The following TAFA5 variants were observed in gnomAD, a reference collection of about 807,000 sequenced individuals.
TAFA5 encodes TAFA chemokine like family member 5, also known as chemokine-like protein TAFA-5.
A neutral mutation model predicts 15.3 loss-of-function variants in TAFA5; 6 were observed. The observed-to-expected ratio is 0.39, with a 90% confidence interval of 0.21 to 0.77. TAFA5 has a LOEUF of 0.77. Ranked by LOEUF, TAFA5 falls within the 30% of genes least tolerant of loss-of-function variation. The pLI, the probability that TAFA5 is intolerant of heterozygous loss-of-function variation, is 0.41. For missense variants in TAFA5, 161 were observed against 193.1 expected (o/e 0.83, Z 0.98); for synonymous variants, 103 against 80.7 (o/e 1.28, Z -1.48).
At chr22:48,592,286 C>G (rs1297380177) in intron 1 of TAFA5, among the ~76,000 whole-genome samples, 1 of 152,212 alleles carries the variant, frequency 6.6e-6, no homozygotes, top group Non-Finnish European at 1.5e-5. Context: ...CTGGCAGAGC[C>G]TGCAGCCCCC....
At chr22:48,551,760 G>A (rs1922864190) in intron 1 of TAFA5, among the ~76,000 whole-genome samples, 1 of 152,122 alleles carries the variant, frequency 6.6e-6, no homozygotes, top group South Asian at 2.1e-4. Flanking sequence ...GACAAGTGCT[G>A]CCTTCTCTCG....
chr22:48,597,119 A>C (rs1355903164), intron 1 of TAFA5, among the ~76,000 whole-genome samples: 2 of 152,202 alleles, frequency 1.3e-5, no homozygotes, highest in African/African-American at 4.8e-5. Flanking sequence ...TTTTTTAAAG[A>C]ACACCAAAAA....
chr22:48,602,560 T>C (rs1255337211), intron 1 of TAFA5, among the ~76,000 whole-genome samples: 4 of 152,174 alleles, frequency 2.6e-5, no homozygotes, highest in Non-Finnish European at 5.9e-5. Context: ...TTGCAGAGAA[T>C]GTTTGTGTCC....
At chr22:48,653,714 G>C (rs1379513758) in intron 2 of TAFA5, among the ~76,000 whole-genome samples, 1 of 152,186 alleles carries the variant, frequency 6.6e-6, no homozygotes, top group Non-Finnish European at 1.5e-5. Context: ...TCTGTAGAGA[G>C]ATGAGACGGT....
At chr22:48,705,639 A>G (rs1929054622) in intron 2 of TAFA5, among the ~76,000 whole-genome samples, 1 of 152,244 alleles carries the variant, frequency 6.6e-6, no homozygotes, top group Non-Finnish European at 1.5e-5. Flanking sequence ...GCCCTTGTTA[A>G]AAATTATTCA....
At chr22:48,630,714 G>A (rs1290542504) in intron 1 of TAFA5, among the ~76,000 whole-genome samples, 3 of 152,214 alleles carry the variant, frequency 2.0e-5, no homozygotes, top group African/African-American at 7.2e-5. Flanking sequence ...CACACAGGCT[G>A]CAGGGCTGGC....
At chr22:48,664,668 GT>G (rs917446455) in intron 2 of TAFA5, among the ~76,000 whole-genome samples, 1 of 152,128 alleles carries the variant, frequency 6.6e-6, no homozygotes, top group African/African-American at 2.4e-5. Flanking sequence ...AGGTTTGCCT[GT>G]TTCAGAACCT....
chr22:48,657,038 T>C (rs1927276691), intron 2 of TAFA5, among the ~76,000 whole-genome samples: 1 of 152,158 alleles, frequency 6.6e-6, no homozygotes, highest in Non-Finnish European at 1.5e-5. Context: ...CCCAAAGTTC[T>C]GGGATTACAG....
intron 1 of TAFA5, among the ~76,000 whole-genome samples, chr22:48,607,664 G>C (rs114821383): frequency 0.033 from 4,101 of 124,610 alleles, 6 homozygotes; most frequent in African/African-American, 0.043. Context: ...GTCTGTCCCA[G>C]GTTCTGATTA....
At chr22:48,682,190 C>G (rs920977634) in intron 2 of TAFA5, among the ~76,000 whole-genome samples, 2 of 152,180 alleles carry the variant, frequency 1.3e-5, no homozygotes, top group African/African-American at 4.8e-5. Flanking sequence ...GCTCCCTAGA[C>G]CAGCAGCTGG....
At chr22:48,551,645 A>T (rs1245376044) in intron 1 of TAFA5, among the ~76,000 whole-genome samples, 2 of 152,086 alleles carry the variant, frequency 1.3e-5, no homozygotes, top group African/African-American at 4.8e-5. Flanking sequence ...GACGATGTGC[A>T]TGGGGTCCTA....
intron 1 of TAFA5, among the ~76,000 whole-genome samples, chr22:48,608,073 A>AGCCAGCCCCTCCCACGGCCCCAGGCT (rs1425493124): frequency 2.1e-5 from 3 of 144,644 alleles, no homozygotes; most frequent in Non-Finnish European, 4.6e-5. Flanking sequence ...TGAGGCAGTG[A>AGCCAGCCCCTCCCACGGCCCCAGGCT]GCCAGCCCCT....
chr22:48,709,647 AT>A (rs1929190905), intron 3 of TAFA5, among the ~76,000 whole-genome samples: 1 of 152,028 alleles, frequency 6.6e-6, no homozygotes, highest in Non-Finnish European at 1.5e-5. Flanking sequence ...CCTCCTCGTG[AT>A]TTGAGGCCCA....
chr22:48,534,536 C>T (rs988396210), intron 1 of TAFA5, among the ~76,000 whole-genome samples: 5 of 152,146 alleles, frequency 3.3e-5, no homozygotes, highest in Non-Finnish European at 7.4e-5. Flanking sequence ...GGCTGGAGGG[C>T]AGGGCCTGAG....
intron 3 of TAFA5, among the ~76,000 whole-genome samples, chr22:48,717,749 A>G (rs1555901918): frequency 1.3e-5 from 2 of 152,170 alleles, no homozygotes; most frequent in Non-Finnish European, 2.9e-5. Flanking sequence ...CAGGAGCCAC[A>G]CGGGGGTGAT....
At chr22:48,583,027 T>A (rs563206271) in intron 1 of TAFA5, among the ~76,000 whole-genome samples, 7 of 73,022 alleles carry the variant, frequency 9.6e-5, no homozygotes, top group Non-Finnish European at 1.9e-4. Context: ...ACACACCACA[T>A]GCAAAATACA....
chr22:48,610,645 C>CCCCAGCATGGAGGAGCAGAG (rs1925369337), intron 1 of TAFA5, among the ~76,000 whole-genome samples: 3 of 150,450 alleles, frequency 2.0e-5, no homozygotes, highest in African/African-American at 5.0e-5. Context: ...TGGAGGGCTT[C>CCCCAGCATGGAGGAGCAGAG]GGGCCGTGTT....
chr22:48,659,472 C>G (rs1193246149), intron 2 of TAFA5, among the ~76,000 whole-genome samples: 3 of 152,254 alleles, frequency 2.0e-5, no homozygotes, highest in African/African-American at 7.2e-5. Flanking sequence ...GATTCAGTGG[C>G]ACAGAGGGAC....
intron 1 of TAFA5, among the ~76,000 whole-genome samples, chr22:48,526,615 G>A (rs1016672654): frequency 6.6e-6 from 1 of 152,218 alleles, no homozygotes. Context: ...TCATTGGTAC[G>A]TCCTTCCTGG....
Sources: allele counts gnomAD v4.1 joint callset (sites outside exome capture counted in the v4.1 genomes callset), GRCh38; gene constraint gnomAD v4.1.1; transcripts MANE v1.5; gene names NCBI Gene and HGNC (gene_info 2026-07-23, HGNC 2026-07-21).